CCDC88A: variants seen among roughly 807,000 people sequenced by gnomAD.
CCDC88A encodes the protein girdin.
In CCDC88A, 54 loss-of-function variants were observed where a neutral mutation model predicts 234.3. The ratio of observed to expected loss-of-function variants is 0.23; its 90% CI spans 0.19 to 0.29. The LOEUF is 0.29. Ranked by LOEUF, CCDC88A falls within the 10% of genes least tolerant of loss-of-function variation. The pLI is 1.00. For synonymous variants in CCDC88A, 753 were observed against 737.8 expected, an observed-to-expected ratio of 1.02 and a Z score of -0.33; for missense variants, 1,832 against 2,123.4, an observed-to-expected ratio of 0.86 and a Z score of 2.70.
In CCDC88A at chr2:55,317,411, G is replaced by A. The variant is rs760008413; in HGVS notation, c.3603-62C>T. On this transcript the variant is annotated intron_variant, in intron 20 of 32. Transcript: ENST00000436346. This position sits in a 1 kb window ranked among gnomAD's most constrained non-coding sequence, Gnocchi z 4.2. Reference sequence around the variant, plus strand: ...CAAAAAAGAAATTTTAGAAATGAAGGAAATGAGTAATGAGTATCATTTAAA... The same window carrying A: ...CAAAAAAGAAATTTTAGAAATGAAGAAAATGAGTAATGAGTATCATTTAAA... 7.7e-7 allele frequency: 1 copy of A among 1,293,296 alleles called. No individual in the cohort carries two copies. Among genetic ancestry groups the A allele is most frequent in the Non-Finnish European group, 1.0e-6 (1 of 969,116 alleles). The allele number at this position is 1,293,296 out of a possible 1,614,324, so 80.1% of individuals were successfully genotyped here. A position where few individuals can be genotyped will look rare whatever the true frequency, so the allele number is the denominator to read the frequency against.
At chr2:55,388,693 T>C (rs541591936) in intron 3 of CCDC88A, 85 bp downstream of exon 3, 3 of 629,674 alleles carry the variant, frequency 4.8e-6, no homozygotes, top group Non-Finnish European at 8.5e-6. Flanking sequence ...AATAAGCGTT[T>C]AAATATTTGT....
chr2:55,357,707 A>C (rs1670778995), intron 7 of CCDC88A, among the ~76,000 whole-genome samples: 1 of 152,066 alleles, frequency 6.6e-6, no homozygotes, highest in Non-Finnish European at 1.5e-5. Context: ...CCTTCCCTGA[A>C]TCATTACTTT....
intron 2 of CCDC88A, among the ~76,000 whole-genome samples, chr2:55,389,106 T>C (rs1287783250): frequency 6.6e-6 from 1 of 152,156 alleles, no homozygotes. Context: ...ACAAAATTAA[T>C]TTCAAACCTA....
chr2:55,413,311 C>G (rs1002842138), intron 2 of CCDC88A, among the ~76,000 whole-genome samples: 2 of 152,158 alleles, frequency 1.3e-5, no homozygotes, highest in Non-Finnish European at 2.9e-5. Flanking sequence ...ATAATAATGA[C>G]AGCAACCAGC....
chr2:55,395,784 A>G (rs951103771), intron 2 of CCDC88A, among the ~76,000 whole-genome samples: 5 of 152,190 alleles, frequency 3.3e-5, no homozygotes, highest in African/African-American at 1.2e-4. Context: ...AAGGAAGACT[A>G]TTAGTAAGGT....
intron 2 of CCDC88A, among the ~76,000 whole-genome samples, chr2:55,390,469 C>G (rs1676466019): frequency 6.6e-6 from 1 of 152,174 alleles, no homozygotes; most frequent in African/African-American, 2.4e-5. Flanking sequence ...ACCACTTACG[C>G]TGAGATTACT....
chr2:55,301,070 G>A, intron 28 of CCDC88A, 136 bp downstream of exon 28: 1 of 615,064 alleles, frequency 1.6e-6, no homozygotes, highest in South Asian at 1.9e-5. Context: ...TGAAGAAATG[G>A]TAGAGGTAAC....
intron 9 of CCDC88A, 133 bp downstream of exon 9, chr2:55,349,385 A>T: frequency 3.1e-6 from 2 of 652,448 alleles, no homozygotes; most frequent in Non-Finnish European, 5.2e-6. Context: ...TGAAAAAGTC[A>T]TCCAATCTCT....
Position 55,309,290 on chromosome 2 carries a change from A to T in CCDC88A, c.4080-36T>A. 1.0e-6 allele frequency: 1 copy of T among 961,642 alleles called. No individual in the cohort carries two copies. The highest frequency in any genetic ancestry group is 2.6e-5 in the East Asian group (1 of 38,214). 59.6% of individuals were successfully genotyped at this position (961,642 alleles called of 1,614,324 possible). ...AAAATTACCTTTTAGGACAGGCATC[A>T]TATTTTGTACAGCTATGAATATTAA... On this transcript the variant is annotated intron_variant, in intron 23 of 32. Coordinates refer to ENST00000436346, the MANE Select transcript of CCDC88A (RefSeq NM_001365480.1). The surrounding 1 kb of genome is among the most constrained non-coding windows in gnomAD (Gnocchi z 5.1).
chr2:55,356,451 T>C (rs1670592033), intron 7 of CCDC88A: 1 of 136,676 alleles, frequency 7.3e-6, no homozygotes, highest in South Asian at 2.1e-4. Context: ...CTTCCTAGTT[T>C]TTTTAACAAA....
chr2:55,419,167 A>C lies in CCDC88A; in HGVS notation c.-88T>G. On this transcript the variant is annotated 5_prime_UTR_variant, in exon 1 of 33. Transcript: ENST00000436346. ...TAAACGTGGAAGTAAGTAGAAATCA[A>C]TGAAAGTCCATTTCGGCAAGGGAGA... 2.5e-6 allele frequency: 2 copies of C among 794,564 alleles called. No homozygotes were observed. Among genetic ancestry groups the C allele is most frequent in the Non-Finnish European group, 4.2e-6 (2 of 470,850 alleles). The allele number at this position is 794,564 out of a possible 1,614,324, so 49.2% of individuals were successfully genotyped here.
chr2:55,295,635 G>C lies in CCDC88A; in HGVS notation c.5513C>G (p.Pro1838Arg). 1 of 1,614,132 alleles carries C rather than the reference G, an allele frequency of 6.2e-7. No homozygotes were observed. The highest frequency in any genetic ancestry group is 8.5e-7 in the Non-Finnish European group (1 of 1,180,026). ...DSRLPISVDSPPAAADSNTTA... is the reference protein window; with the variant it reads ...DSRLPISVDSRPAAADSNTTA... The stretch of plus-strand genomic sequence containing the variant: ...GGTGTTGCTGTCAGCAGCAGCTGGT[G>C]GTGAATCAACTGATATAGGCAGTCT... Residue 1838 changes from proline to arginine, a missense_variant, in exon 31 of 33, where the codon CCA (proline) becomes CGA (arginine). By Grantham distance (103) the Pro-to-Arg change is moderately radical (BLOSUM62 -2). Transcript: ENST00000436346.
At chr2:55,416,743 T>C (rs12991401) in intron 2 of CCDC88A, among the ~76,000 whole-genome samples, 47,287 of 151,104 alleles carry the variant, frequency 0.31, 7,847 homozygotes, top group East Asian at 0.59. Flanking sequence ...CATTAAAGCA[T>C]ACATTAATCT....
intron 25 of CCDC88A, 144 bp from the exon 26 acceptor site, chr2:55,303,296 T>G (rs1382477890): frequency 6.3e-6 from 4 of 630,978 alleles, no homozygotes; most frequent in Non-Finnish European, 1.2e-5. Flanking sequence ...AGGCTATTAT[T>G]CTCATGCTGC....
intron 5 of CCDC88A, among the ~76,000 whole-genome samples, chr2:55,369,059 G>C (rs953282617): frequency 1.3e-5 from 2 of 151,952 alleles, no homozygotes; most frequent in Non-Finnish European, 2.9e-5. Context: ...TTTTGAGATG[G>C]AGTCTTGCTC....
At position 55,334,933 on chromosome 2, in the gene CCDC88A, GTTC is replaced by G; in HGVS notation, c.1885_1887del (p.Glu629del). On this transcript the variant is annotated inframe_deletion, in exon 15 of 33. Coordinates refer to ENST00000436346, the MANE Select transcript of CCDC88A (RefSeq NM_001365480.1). The surrounding 1 kb of genome is among the most constrained non-coding windows in gnomAD (Gnocchi z 6.1). ...TCAAGATGATGCAATTCATTTTCAA[GTTC>G]TTCAGCTCGTTCTCCTTTTTCTTTA... 3.9e-6 allele frequency: 6 copies of G among 1,535,626 alleles called. No homozygotes were observed. Among genetic ancestry groups the G allele is most frequent in the Non-Finnish European group, 5.3e-6 (6 of 1,132,478 alleles).
intron 2 of CCDC88A, among the ~76,000 whole-genome samples, chr2:55,416,439 AATAAATATATATATATATATATATATAT>A (rs1681441004): frequency 3.9e-5 from 1 of 25,586 alleles, no homozygotes; most frequent in Non-Finnish European, 7.7e-5. Flanking sequence ...TAAATAAATA[AATAAATATATATATATATATATATATAT>A]ATATATATAT....
chr2:55,364,541 T>G (rs1043578702), intron 5 of CCDC88A, among the ~76,000 whole-genome samples: 1 of 152,068 alleles, frequency 6.6e-6, no homozygotes, highest in Non-Finnish European at 1.5e-5. Context: ...CTATCAAGCT[T>G]AATAAAAGAA....
intron 3 of CCDC88A, among the ~76,000 whole-genome samples, chr2:55,381,950 T>C (rs1482720877): frequency 6.6e-6 from 1 of 152,326 alleles, no homozygotes; most frequent in Admixed American, 6.5e-5. Context: ...ATTCAGTACA[T>C]GACAACATTT....
Sources: allele counts gnomAD v4.1 joint callset (sites outside exome capture counted in the v4.1 genomes callset), GRCh38; gene constraint gnomAD v4.1.1; non-coding constraint Gnocchi (gnomAD v3.1); transcripts MANE v1.5; gene names NCBI Gene and HGNC (gene_info 2026-07-23, HGNC 2026-07-21).